The following EXT2 variants were observed in gnomAD, a reference collection of about 807,000 sequenced individuals.
EXT2 encodes exostosin-2.
A neutral mutation model predicts 81.6 loss-of-function variants in EXT2; 53 were observed. That is an observed-to-expected ratio of 0.65 (90% confidence interval 0.52 to 0.82). The LOEUF is 0.82. Ranked by LOEUF, EXT2 falls within the 40% of genes least tolerant of loss-of-function variation. The probability of loss-of-function intolerance (pLI) is 0.00; values close to 1 mark genes in which losing one functional copy is unlikely to be tolerated. For missense variants in EXT2, 774 were observed against 910.2 expected (o/e 0.85, Z 1.93); for synonymous variants, 320 against 340.0 (o/e 0.94, Z 0.65).
At chr11:44,237,070 T>G (rs1955974162) in intron 13 of EXT2, among the ~76,000 whole-genome samples, 1 of 152,174 alleles carries the variant, frequency 6.6e-6, no homozygotes. Context: ...CCTAGTACTT[T>G]CAGAAGACAA....
At chr11:44,217,081 A>G (rs991746027) in intron 10 of EXT2, among the ~76,000 whole-genome samples, 5 of 150,990 alleles carry the variant, frequency 3.3e-5, no homozygotes, top group Admixed American at 1.3e-4. Flanking sequence ...ATAGCACCCC[A>G]GTCAGAAAGC....
intron 10 of EXT2, among the ~76,000 whole-genome samples, chr11:44,221,176 C>A (rs1354365474): frequency 2.6e-5 from 4 of 152,142 alleles, no homozygotes; most frequent in Non-Finnish European, 5.9e-5. Flanking sequence ...CTCGAAGACC[C>A]CCATTCCAAA....
At chr11:44,184,977 T>C (rs1393666122) in intron 8 of EXT2, among the ~76,000 whole-genome samples, 1 of 152,134 alleles carries the variant, frequency 6.6e-6, no homozygotes, top group Non-Finnish European at 1.5e-5. Context: ...CAAACATAAA[T>C]TGAAAGAAAA....
At chr11:44,117,279 G>C (rs994178274) in intron 4 of EXT2, among the ~76,000 whole-genome samples, 1 of 152,112 alleles carries the variant, frequency 6.6e-6, no homozygotes, top group Non-Finnish European at 1.5e-5. Flanking sequence ...TCACATTCTT[G>C]ATAGTGTCCT....
rs541354297 is a variant in EXT2, at chr11:44,127,016, C to T, written c.1079+61C>T. On this transcript the variant is annotated intron_variant, in intron 6 of 13. Transcript: ENST00000533608. ...GTTCTGCGTATATTACAAATAAAAT[C>T]TCCTCAGGTCATTGTAATGTATACC... 5.0e-6 allele frequency: 8 copies of T among 1,588,896 alleles called. No homozygotes were observed. In the Admixed American group the frequency reaches 1.0e-4, roughly 20 times the overall value.
At chr11:44,180,780 G>T (rs749486984) in intron 8 of EXT2, among the ~76,000 whole-genome samples, 2 of 152,144 alleles carry the variant, frequency 1.3e-5, no homozygotes, top group Non-Finnish European at 2.9e-5. Flanking sequence ...GATGAAGGGA[G>T]ATACATTTTC....
chr11:44,164,947 C>A (rs1035251091), intron 7 of EXT2, among the ~76,000 whole-genome samples: 1 of 148,578 alleles, frequency 6.7e-6, no homozygotes, highest in Non-Finnish European at 1.5e-5. Flanking sequence ...GGCGGGATCT[C>A]GGCTCACTGC....
intron 4 of EXT2, among the ~76,000 whole-genome samples, chr11:44,118,131 A>G (rs1954248661): frequency 6.6e-6 from 1 of 152,252 alleles, no homozygotes; most frequent in South Asian, 2.1e-4. Context: ...GCACATCTAC[A>G]AAACTAATAA....
intron 6 of EXT2, among the ~76,000 whole-genome samples, chr11:44,127,689 A>G (rs1954428625): frequency 6.6e-6 from 1 of 152,144 alleles, no homozygotes; most frequent in Admixed American, 6.6e-5. Context: ...TACAGAGTAG[A>G]CTCACCTGGA....
intron 10 of EXT2, among the ~76,000 whole-genome samples, chr11:44,214,106 TTTC>T (rs138857765): frequency 0.24 from 36,833 of 151,426 alleles, 5,531 homozygotes; most frequent in East Asian, 0.41. Context: ...TATTTGTAAC[TTTC>T]TTCTTCTTCT....
rs547356526 is a variant in EXT2 at position 44,228,214 on chromosome 11, G to C, written c.1663-4139G>C. Among the ~76,000 whole-genome samples, 10 of 152,302 alleles carry C rather than the reference G, an allele frequency of 6.6e-5. No individual in the cohort carries two copies. In the East Asian group the frequency reaches 1.7e-3, roughly 26 times the overall value. Reference sequence around the variant, plus strand: ...ACTATATATATGGAGGATTTCAACAGTATAGACAATTTAATATTGACTTTG... The same window carrying C: ...ACTATATATATGGAGGATTTCAACACTATAGACAATTTAATATTGACTTTG... On this transcript the variant is annotated intron_variant, in intron 10 of 13. Transcript: ENST00000533608.
At chr11:44,203,965 GCA>G (rs983559165) in intron 9 of EXT2, among the ~76,000 whole-genome samples, 1 of 152,184 alleles carries the variant, frequency 6.6e-6, no homozygotes, top group Non-Finnish European at 1.5e-5. Flanking sequence ...GTGATAAGTG[GCA>G]CACTTAGTTT....
At chr11:44,127,881 A>G (rs1954432295) in intron 6 of EXT2, among the ~76,000 whole-genome samples, 1 of 152,252 alleles carries the variant, frequency 6.6e-6, no homozygotes, top group Admixed American at 6.5e-5. Context: ...CCCAGTGTAC[A>G]GATGGACCCA....
At chr11:44,121,644 T>C (rs1201708342) in intron 4 of EXT2, among the ~76,000 whole-genome samples, 2 of 142,562 alleles carry the variant, frequency 1.4e-5, no homozygotes, top group Admixed American at 1.4e-4. Context: ...ACCCCCTACA[T>C]TGTGCTGCCC....
At chr11:44,099,969 C>G (rs1428648817) in intron 1 of EXT2, among the ~76,000 whole-genome samples, 1 of 152,192 alleles carries the variant, frequency 6.6e-6, no homozygotes, top group Non-Finnish European at 1.5e-5. Flanking sequence ...CGACACACTT[C>G]ACAAGCATGG....
chr11:44,156,900 T>C (rs1003480577), intron 7 of EXT2, among the ~76,000 whole-genome samples: 4 of 152,206 alleles, frequency 2.6e-5, no homozygotes, highest in African/African-American at 9.6e-5. Context: ...AAATTGAGTG[T>C]TGTGATCTAA....
chr11:44,095,894 A>C (rs12362775), intron 1 of EXT2, 42 bp downstream of exon 1: 1 of 235,480 alleles, frequency 4.2e-6, no homozygotes, highest in Non-Finnish European at 8.2e-6. Context: ...CGGGCGCTGA[A>C]GCGAGGGCTC....
At chr11:44,204,240 C>G (rs972747275) in intron 9 of EXT2, among the ~76,000 whole-genome samples, 1 of 152,168 alleles carries the variant, frequency 6.6e-6, no homozygotes, top group African/African-American at 2.4e-5. Flanking sequence ...TATTCTCTCA[C>G]AAATGTACAG....
intron 7 of EXT2, among the ~76,000 whole-genome samples, chr11:44,166,393 A>G (rs542330682): frequency 1.3e-5 from 2 of 152,332 alleles, no homozygotes; most frequent in South Asian, 2.1e-4. Context: ...TGAATAGGGC[A>G]TATCTAAGAA....
Sources: gnomAD v4.1 joint callset for allele counts (sites outside exome capture counted in the v4.1 genomes callset) on GRCh38, gnomAD v4.1.1 for gene constraint, MANE v1.5 for transcripts, NCBI Gene and HGNC (gene_info 2026-07-23, HGNC 2026-07-21) for gene names.